OXR1: variants seen among roughly 807,000 people sequenced by gnomAD.
OXR1 encodes the protein oxidation resistance protein 1.
In OXR1, 41 loss-of-function variants were observed where a neutral mutation model predicts 104.6. The ratio of observed to expected loss-of-function variants is 0.39; its 90% CI spans 0.31 to 0.51. The LOEUF is 0.51. Ranked by LOEUF, OXR1 falls within the 20% of genes least tolerant of loss-of-function variation. The pLI, the probability that OXR1 is intolerant of heterozygous loss-of-function variation, is 0.77. For synonymous variants in OXR1, 348 were observed against 348.4 expected, an observed-to-expected ratio of 1.00 and a Z score of 0.01; for missense variants, 955 against 1,031.9, an observed-to-expected ratio of 0.93 and a Z score of 1.02.
intron 1 of OXR1, among the ~76,000 whole-genome samples, chr8:106,278,534 T>A (rs1392322757): frequency 6.6e-6 from 1 of 152,034 alleles, no homozygotes; most frequent in Non-Finnish European, 1.5e-5. Context: ...AAAAAAAAAA[T>A]TCTACATCAT....
intron 1 of OXR1, among the ~76,000 whole-genome samples, chr8:106,315,322 C>T (rs886443188): frequency 1.1e-4 from 17 of 152,190 alleles, no homozygotes; most frequent in Non-Finnish European, 2.2e-4. Context: ...AAAGCTATCA[C>T]ATTTTTCTTC....
At position 106,706,506 on chromosome 8, in the gene OXR1, A is replaced by T. The variant is rs749987586; in HGVS notation, c.985A>T (p.Ser329Cys). The change falls in exon 9 of 17, where the codon AGC becomes TGC. Residue 329 changes from serine to cysteine, a missense_variant. Around this residue, in one of 2 missense-constraint regions of OXR1, gnomAD observed 849 missense variants for 852.9 expected, o/e 1.00. Transcript: ENST00000517566. ...GNDSASTAPR[S>C]TEESLSEDVF... Reference sequence around the variant, plus strand: ...TGATAGTGCCAGCACTGCTCCTAGGAGCACTGAGGAGTCTCTTTCTGAAGA... The same window carrying T: ...TGATAGTGCCAGCACTGCTCCTAGGTGCACTGAGGAGTCTCTTTCTGAAGA... The T allele has an allele frequency of 1.3e-5, 21 of 1,605,060 alleles. No individual in the cohort carries two copies. The highest frequency in any genetic ancestry group is 1.8e-5 in the Non-Finnish European group (21 of 1,177,868).
intron 3 of OXR1, among the ~76,000 whole-genome samples, chr8:106,671,963 TATAATAATA>T (rs200351866): frequency 0.018 from 2,499 of 136,410 alleles, 33 homozygotes; most frequent in Admixed American, 0.049. Context: ...GAACTTAAAG[TATAATAATA>T]ATAATAATAA....
chr8:106,412,781 G>A (rs900831035), intron 2 of OXR1, among the ~76,000 whole-genome samples: 1 of 151,882 alleles, frequency 6.6e-6, no homozygotes, highest in African/African-American at 2.4e-5. Context: ...ATTTTCCAAA[G>A]GTTTTATAAT....
chr8:106,509,302 C>A (rs970254071), intron 2 of OXR1, among the ~76,000 whole-genome samples: 4 of 152,088 alleles, frequency 2.6e-5, no homozygotes, highest in African/African-American at 9.7e-5. Context: ...AGTTCCAAGG[C>A]AAAAACTGAA....
Position 106,751,462 on chromosome 8 carries a change from A to C in OXR1, c.*521A>C, listed in dbSNP as rs1835884870. ...ATAATACATACTTCATAGACCACTG[A>C]GTTCTAGTTTTTATTCACACTACAA... On this transcript the variant is annotated 3_prime_UTR_variant, in exon 17 of 17. Coordinates refer to ENST00000517566, the MANE Select transcript of OXR1 (RefSeq NM_001198533.2). 6.6e-6 allele frequency: 1 copy of C among 152,618 alleles called. No homozygotes were observed. The highest frequency in any genetic ancestry group is 2.4e-5 in the African/African-American group (1 of 41,454). 9.5% of individuals were successfully genotyped at this position (152,618 alleles called of 1,614,324 possible). A position where few individuals can be genotyped will look rare whatever the true frequency, so the allele number is the denominator to read the frequency against.
At chr8:106,326,529 A>G (rs1466520149) in intron 1 of OXR1, among the ~76,000 whole-genome samples, 3 of 152,250 alleles carry the variant, frequency 2.0e-5, no homozygotes, top group Non-Finnish European at 4.4e-5. Flanking sequence ...TCTGATTAGA[A>G]AATTTTGTTT....
chr8:106,279,993 CAGAG>C (rs768763534), intron 1 of OXR1, among the ~76,000 whole-genome samples: 14 of 149,508 alleles, frequency 9.4e-5, no homozygotes, highest in Admixed American at 2.0e-4. Flanking sequence ...TTAGAAAGGA[CAGAG>C]AGAGAGAGAG....
Position 106,627,623 on chromosome 8 carries a change from G to A in OXR1, c.221-51587G>A, listed in dbSNP as rs192811833. Among the ~76,000 whole-genome samples the A allele has an allele frequency of 2.0e-4, 31 of 152,218 alleles. 1 individual carries two copies. Among genetic ancestry groups the A allele is most frequent in the Admixed American group, 2.0e-3 (30 of 15,276 alleles). On this transcript the variant is annotated intron_variant, in intron 3 of 16. Transcript: ENST00000517566. ...ACCGAACTACCCAAATGTTTTTAGG[G>A]AATCTTTCTACTTCTTCCCCGCAGC...
intron 3 of OXR1, among the ~76,000 whole-genome samples, chr8:106,612,818 G>T (rs1194122445): frequency 6.6e-6 from 1 of 151,936 alleles, no homozygotes; most frequent in Non-Finnish European, 1.5e-5. Flanking sequence ...TTCTCACACA[G>T]CCCTACGAAT....
At chr8:106,572,303 T>C (rs748652642) in intron 3 of OXR1, among the ~76,000 whole-genome samples, 9 of 152,216 alleles carry the variant, frequency 5.9e-5, no homozygotes, top group Non-Finnish European at 1.3e-4. Flanking sequence ...ATCTGATCTA[T>C]ATTTCTGGCT....
chr8:106,626,985 CG>C (rs1822226522), intron 3 of OXR1, among the ~76,000 whole-genome samples: 1 of 151,774 alleles, frequency 6.6e-6, no homozygotes, highest in Non-Finnish European at 1.5e-5. Context: ...TATTATGTTT[CG>C]ATGCTTTTCT....
intron 5 of OXR1, among the ~76,000 whole-genome samples, chr8:106,683,783 G>A (rs1376596057): frequency 6.6e-6 from 1 of 152,088 alleles, no homozygotes; most frequent in African/African-American, 2.4e-5. Flanking sequence ...ACGCGTGCAT[G>A]GTATTACATT....
chr8:106,708,008 A>G (rs1380501246), intron 9 of OXR1, among the ~76,000 whole-genome samples: 3 of 152,178 alleles, frequency 2.0e-5, no homozygotes, highest in African/African-American at 7.2e-5. Flanking sequence ...ATGCAGTGGC[A>G]TTAGTACATT....
At chr8:106,456,287 A>G (rs1312625487) in intron 2 of OXR1, among the ~76,000 whole-genome samples, 1 of 152,120 alleles carries the variant, frequency 6.6e-6, no homozygotes, top group Non-Finnish European at 1.5e-5. Context: ...CAACAATTCA[A>G]ATTCATTCAT....
chr8:106,594,024 C>T (rs575431221), intron 3 of OXR1, among the ~76,000 whole-genome samples: 2 of 152,202 alleles, frequency 1.3e-5, no homozygotes, highest in South Asian at 2.1e-4. Flanking sequence ...TGGAACAGGC[C>T]GTTATGTTGA....
rs968671729 is a variant in OXR1 at position 106,695,736 on chromosome 8, A to G, written c.675+2859A>G. Among the ~76,000 whole-genome samples, 4 of 152,064 alleles carry G rather than the reference A, an allele frequency of 2.6e-5. No individual in the cohort carries two copies. The East Asian group carries it at 7.7e-4, about 29-fold the overall frequency. Reference sequence around the variant, plus strand: ...CCCGGCACGTTTATGTACATTTTCAAAATTATATGTGTGTTTATAAAAAAG... The same window carrying G: ...CCCGGCACGTTTATGTACATTTTCAGAATTATATGTGTGTTTATAAAAAAG... On this transcript the variant is annotated intron_variant, in intron 7 of 16. Transcript: ENST00000517566.
At chr8:106,561,067 G>C (rs1816642166) in intron 3 of OXR1, among the ~76,000 whole-genome samples, 1 of 152,134 alleles carries the variant, frequency 6.6e-6, no homozygotes, top group Non-Finnish European at 1.5e-5. Flanking sequence ...TGGGTTTCAA[G>C]CACAAAACTG....
chr8:106,336,657 G>C (rs1467878315), intron 1 of OXR1, among the ~76,000 whole-genome samples: 5 of 152,236 alleles, frequency 3.3e-5, no homozygotes, highest in African/African-American at 1.2e-4. Flanking sequence ...TTATTACTTT[G>C]GGGAAGGGAC....
Sources: allele counts gnomAD v4.1 joint callset (sites outside exome capture counted in the v4.1 genomes callset), GRCh38; gene constraint gnomAD v4.1.1; regional missense constraint gnomAD v4.1.1; transcripts MANE v1.5; gene names NCBI Gene and HGNC (gene_info 2026-07-23, HGNC 2026-07-21).